MYO7B: variants seen among roughly 807,000 people sequenced by gnomAD.
The protein encoded by MYO7B is unconventional myosin-VIIb.
In MYO7B, 212 loss-of-function variants were observed where a neutral mutation model predicts 259.7. The observed-to-expected ratio is 0.82, with a 90% confidence interval of 0.73 to 0.91. The LOEUF is 0.91. MYO7B is among the 40% of genes least tolerant of loss of function. The pLI is 0.00. For missense variants in MYO7B, 2,732 were observed against 2,813.5 expected (o/e 0.97, Z 0.66); for synonymous variants, 1,197 against 1,166.4 (o/e 1.03, Z -0.54).
In MYO7B at chr2:127,636,904, G is replaced by A. The variant is rs1159478688; in HGVS notation, c.6318G>A (p.Glu2106=). 9 of 1,612,326 alleles carry A rather than the reference G, an allele frequency of 5.6e-6. No homozygotes were observed. Among genetic ancestry groups the A allele is most frequent in the Middle Eastern group, 1.6e-4 (1 of 6,084 alleles). Residue 2106 remains glutamate, a synonymous_variant, in exon 47 of 48, where the codon GAG becomes GAA. Coordinates refer to ENST00000409816, the MANE Select transcript of MYO7B (RefSeq NM_001393586.1). This position sits in a 1 kb window ranked among gnomAD's most constrained non-coding sequence, Gnocchi z 4.5. ...SLGRGSRLLC[E]TSLGYKMDDL... The stretch of plus-strand genomic sequence containing the variant: ...GCCGTGGCAGCCGCCTGCTGTGCGA[G>A]ACCTCCCTGGTGAGCTCAGGTTCTT...
intron 38 of MYO7B, 123 bp downstream of exon 38, chr2:127,631,876 T>C: frequency 7.6e-7 from 1 of 1,307,208 alleles, no homozygotes; most frequent in Non-Finnish European, 1.0e-6. Flanking sequence ...CCTGGGCTCC[T>C]GCCTCAGCAG....
intron 15 of MYO7B, among the ~76,000 whole-genome samples, 175 bp downstream of exon 15, chr2:127,588,730 T>C (rs1346974945): frequency 1.5e-5 from 2 of 136,424 alleles, no homozygotes; most frequent in Non-Finnish European, 3.1e-5. Context: ...GATAGATGGG[T>C]GAGTGGGTGG....
chr2:127,545,548 G>A (rs1434335994), intron 1 of MYO7B, among the ~76,000 whole-genome samples: 4 of 152,240 alleles, frequency 2.6e-5, no homozygotes, highest in Admixed American at 6.5e-5. Flanking sequence ...GTGAAGCACA[G>A]CCCGACAGCA....
At chr2:127,621,868 C>T (rs1014501994) in intron 27 of MYO7B, 114 bp from the exon 28 acceptor site, 5 of 1,464,220 alleles carry the variant, frequency 3.4e-6, no homozygotes, top group Non-Finnish European at 3.7e-6. Flanking sequence ...TGAGGGTGCC[C>T]CTCAATGCAC....
rs140138075 is a variant in MYO7B, at chr2:127,630,267, TAGC to T, written c.4806+445_4806+447del. 8.5e-3 allele frequency among the ~76,000 whole-genome samples: 1,292 copies of T among 152,270 alleles called. 18 individuals carry two copies. Among genetic ancestry groups the T allele is most frequent in the African/African-American group, 0.028 (1,182 of 41,554 alleles). On this transcript the variant is annotated intron_variant, in intron 35 of 47. Coordinates refer to ENST00000409816, the MANE Select transcript of MYO7B (RefSeq NM_001393586.1). ...GCCTGTGGTACGAGTCTGGGCATAA[TAGC>T]AGCTCCACCCTCAGGGCAGACATTT...
intron 40 of MYO7B, 69 bp from the exon 41 acceptor site, chr2:127,634,107 G>T: frequency 7.8e-7 from 1 of 1,280,730 alleles, no homozygotes; most frequent in Non-Finnish European, 1.1e-6. Flanking sequence ...GCCAGGCTAG[G>T]AAGGCTCATC....
chr2:127,561,218 A>G (rs1023882653), intron 2 of MYO7B, among the ~76,000 whole-genome samples: 4 of 151,966 alleles, frequency 2.6e-5, no homozygotes, highest in Non-Finnish European at 5.9e-5. Context: ...TCACAATTAC[A>G]ATTGCAGGCC....
chr2:127,618,924 G>A (rs924698882), intron 26 of MYO7B, among the ~76,000 whole-genome samples: 1 of 152,250 alleles, frequency 6.6e-6, no homozygotes, highest in Non-Finnish European at 1.5e-5. Flanking sequence ...CAGGAGCCAA[G>A]AGGAGGGGAC....
At chr2:127,622,713 C>T (rs546769772) in intron 28 of MYO7B, among the ~76,000 whole-genome samples, 3 of 152,330 alleles carry the variant, frequency 2.0e-5, no homozygotes, top group Admixed American at 6.5e-5. Context: ...ACCCTGCCCC[C>T]GAGCCCACAG....
rs764065835 is a variant in MYO7B, at chr2:127,601,270, A to C, written c.2340-4574A>C. ...CTCTCTTGGTATATATTCTAAGAGC[A>C]CTTGGAAAGAACATATATTTTGCTG... is the stretch of plus-strand genomic sequence containing the variant. On this transcript the variant is annotated intron_variant, in intron 19 of 47. Transcript: ENST00000409816. Among the ~76,000 whole-genome samples, 61 of 152,366 alleles carry C rather than the reference A, an allele frequency of 4.0e-4. 2 individuals are homozygous for C. Among genetic ancestry groups the C allele is most frequent in the Middle Eastern group, 6.8e-3 (2 of 294 alleles).
At position 127,609,597 on chromosome 2, in the gene MYO7B, C is replaced by T. The variant is rs1680297720; in HGVS notation, c.2906C>T (p.Ala969Val). Residue 969 changes from alanine to valine, a missense_variant, in exon 23 of 48, where the codon GCC (alanine) becomes GTC (valine). Ala to Val is a moderately conservative substitution (Grantham distance 64). Coordinates refer to ENST00000409816, the MANE Select transcript of MYO7B (RefSeq NM_001393586.1). The surrounding 1 kb of genome is among the most constrained non-coding windows in gnomAD (Gnocchi z 6.9). Reference sequence around the variant, plus strand: ...CCTGAGGAGGATGTGGATGGCCTGGCCGAGTACACCTTCCCCAAGTTTGCT... The same window carrying T: ...CCTGAGGAGGATGTGGATGGCCTGGTCGAGTACACCTTCCCCAAGTTTGCT... ...EEPEEDVDGL[A>V]EYTFPKFAVT... The T allele has an allele frequency of 1.2e-6, 2 of 1,613,986 alleles. No individual in the cohort carries two copies. Among genetic ancestry groups the T allele is most frequent in the South Asian group, 1.1e-5 (1 of 91,082 alleles).
At chr2:127,562,558 G>C (rs571691039) in intron 2 of MYO7B, among the ~76,000 whole-genome samples, 2 of 144,574 alleles carry the variant, frequency 1.4e-5, no homozygotes, top group Admixed American at 7.2e-5. Context: ...GCATGATCTC[G>C]GTCACTGCAA....
At chr2:127,548,606 G>T (rs1304927083) in intron 1 of MYO7B, among the ~76,000 whole-genome samples, 1 of 151,802 alleles carries the variant, frequency 6.6e-6, no homozygotes, top group Non-Finnish European at 1.5e-5. Flanking sequence ...AGTAGAGACG[G>T]GGTTTCACCA....
At chr2:127,591,392 C>T (rs965962437) in intron 16 of MYO7B, among the ~76,000 whole-genome samples, 1 of 152,166 alleles carries the variant, frequency 6.6e-6, no homozygotes, top group South Asian at 2.1e-4. Context: ...GGCTGAAGCT[C>T]GGGGGTTAAG....
chr2:127,571,659 T>C (rs1008998678), intron 6 of MYO7B, among the ~76,000 whole-genome samples: 1 of 152,020 alleles, frequency 6.6e-6, no homozygotes, highest in African/African-American at 2.4e-5. Context: ...TTTGTATTTT[T>C]AGTAGAGACG....
At chr2:127,557,642 AG>A (rs1161531624) in intron 1 of MYO7B, among the ~76,000 whole-genome samples, 1 of 152,186 alleles carries the variant, frequency 6.6e-6, no homozygotes, top group Non-Finnish European at 1.5e-5. Context: ...GTATAAAAAT[AG>A]GCATATAGAC....
Position 127,539,818 on chromosome 2 carries a change from G to T in MYO7B, c.-24+3987G>T, listed in dbSNP as rs907858364. 5.9e-5 allele frequency among the ~76,000 whole-genome samples: 9 copies of T among 152,174 alleles called. No homozygotes were observed. Among genetic ancestry groups the T allele is most frequent in the African/African-American group, 1.7e-4 (7 of 41,442 alleles). On this transcript the variant is annotated intron_variant, in intron 1 of 47. Transcript: ENST00000409816. The surrounding 1 kb of genome is among the most constrained non-coding windows in gnomAD (Gnocchi z 4.0). Reference sequence around the variant, plus strand: ...CACTGCACCCAATGTGTAGTCTTTTGTTGCTCACCCAGCTCCAGCCTTCCC... The same window carrying T: ...CACTGCACCCAATGTGTAGTCTTTTTTTGCTCACCCAGCTCCAGCCTTCCC...
chr2:127,536,476 G>GT (rs1327098046), intron 1 of MYO7B, among the ~76,000 whole-genome samples: 1 of 148,236 alleles, frequency 6.7e-6, no homozygotes, highest in African/African-American at 2.5e-5. Context: ...GTGGGGGGGG[G>GT]GGTGGGGGAA....
At chr2:127,571,035 C>A (rs951209137) in intron 6 of MYO7B, among the ~76,000 whole-genome samples, 5 of 152,166 alleles carry the variant, frequency 3.3e-5, no homozygotes, top group African/African-American at 1.2e-4. Context: ...AGGAGTAAAA[C>A]CTCTATAAAT....
Sources: gnomAD v4.1 joint callset for allele counts (sites outside exome capture counted in the v4.1 genomes callset) on GRCh38, gnomAD v4.1.1 for gene constraint, Gnocchi (gnomAD v3.1) non-coding constraint, MANE v1.5 for transcripts, NCBI Gene and HGNC (gene_info 2026-07-23, HGNC 2026-07-21) for gene names.